The following CASZ1 variants were observed in gnomAD, a reference collection of about 807,000 sequenced individuals.
CASZ1 encodes castor zinc finger 1.
Under a neutral mutation model 135.2 loss-of-function variants are expected in CASZ1, and 28 were observed. The ratio of observed to expected loss-of-function variants is 0.21; its 90% confidence interval spans 0.15 to 0.28. The LOEUF (loss-of-function observed/expected upper bound fraction) is 0.28, where lower values mean the gene tolerates loss of function less well. CASZ1 is among the 10% of genes least tolerant of loss of function. The probability of loss-of-function intolerance (pLI) is 1.00; values close to 1 mark genes in which losing one functional copy is unlikely to be tolerated. For missense variants in CASZ1, 2,161 were observed against 2,453.3 expected, an observed-to-expected ratio of 0.88 and a Z score of 2.52; for synonymous variants, 1,068 against 1,073.4, an observed-to-expected ratio of 0.99 and a Z score of 0.10.
intron 5 of CASZ1, chr1:10,660,984 G>C (rs1470872521): frequency 2.0e-5 from 4 of 204,532 alleles, no homozygotes; most frequent in African/African-American, 9.5e-5. Context: ...TGGGAGCCCA[G>C]GGGTGGGGAA....
intron 1 of CASZ1, among the ~76,000 whole-genome samples, chr1:10,790,676 A>T (rs1640940643): frequency 1.3e-5 from 2 of 152,214 alleles, no homozygotes; most frequent in African/African-American, 4.8e-5. Flanking sequence ...CTTCGTTCAG[A>T]TGGTGGGGAG....
intron 11 of CASZ1, chr1:10,653,167 G>GC: frequency 1.6e-6 from 1 of 637,424 alleles, no homozygotes; most frequent in Non-Finnish European, 2.8e-6. Context: ...CAGAAGCATG[G>GC]CCCCCCTACT....
rs1639578608 is a variant in CASZ1 at position 10,725,370 on chromosome 1, C to A, written c.-76-19826G>T. On this transcript the variant is annotated intron_variant, in intron 2 of 20. Transcript: ENST00000377022. The surrounding 1 kb of genome is among the most constrained non-coding windows in gnomAD (Gnocchi z 4.4). ...TCCCGCCCTCCCTCTCCGGCAGGCT[C>A]CTCTCAAGTACTGAGCCATATGGTT... Among the ~76,000 whole-genome samples the A allele has an allele frequency of 6.6e-6, 1 of 151,274 alleles. No individual in the cohort carries two copies. Among genetic ancestry groups the A allele is most frequent in the Non-Finnish European group, 1.5e-5 (1 of 67,738 alleles).
intron 17 of CASZ1, among the ~76,000 whole-genome samples, chr1:10,645,753 G>A (rs1482962726): frequency 6.6e-6 from 1 of 152,212 alleles, no homozygotes; most frequent in African/African-American, 2.4e-5. Flanking sequence ...AGGCCTTTAA[G>A]GTGAATCTGA....
rs1639575168 is a variant in CASZ1, at chr1:10,725,195, C to T, written c.-76-19651G>A. ...GAACGTGTTAAGACCAAGGAGTGAC[C>T]ATGTCACTGCCCAGGGCAGCCCGGT... On this transcript the variant is annotated intron_variant, in intron 2 of 20. Coordinates refer to ENST00000377022, the MANE Select transcript of CASZ1 (RefSeq NM_001079843.3). This position sits in a 1 kb window ranked among gnomAD's most constrained non-coding sequence, Gnocchi z 4.4. Among the ~76,000 whole-genome samples, 1 of 152,160 alleles carries T rather than the reference C, an allele frequency of 6.6e-6. No homozygotes were observed. Among genetic ancestry groups the T allele is most frequent in the Non-Finnish European group, 1.5e-5 (1 of 68,012 alleles).
chr1:10,690,570 G>A (rs1638731952), intron 4 of CASZ1, among the ~76,000 whole-genome samples: 1 of 152,200 alleles, frequency 6.6e-6, no homozygotes, highest in South Asian at 2.1e-4. Context: ...GTCCTGGCCT[G>A]GAGCCCCAGA....
chr1:10,734,047 G>A (rs1639749547), intron 2 of CASZ1, among the ~76,000 whole-genome samples: 1 of 152,218 alleles, frequency 6.6e-6, no homozygotes, highest in Admixed American at 6.5e-5. Flanking sequence ...ACCAGGCAGA[G>A]CCACCAGCCC....
At chr1:10,662,382 C>T (rs1268044358) in intron 5 of CASZ1, among the ~76,000 whole-genome samples, 2 of 151,996 alleles carry the variant, frequency 1.3e-5, no homozygotes, top group Non-Finnish European at 1.5e-5. Flanking sequence ...CATACTTTCA[C>T]ACCCACACAC....
Position 10,647,999 on chromosome 1 carries a change from A to T in CASZ1, c.3299T>A (p.Leu1100Gln). Residue 1100 changes from leucine to glutamine, a missense_variant, in exon 16 of 21, where the codon CTG becomes CAG. Leu to Gln is a moderately radical substitution (Grantham distance 113). This residue lies in a region of CASZ1 where 349 missense variants were observed against 460.8 expected (regional missense o/e 0.76). Transcript: ENST00000377022. The surrounding 1 kb of genome is among the most constrained non-coding windows in gnomAD (Gnocchi z 4.9). The part of the protein sequence containing the change: ...PPVTTATVSS[L>Q]EGPAPSPASV... Reference sequence around the variant, plus strand: ...GGCCGGGCTGGGAGCGGGCCCCTCCAGAGAGGACACCGTGGCCGTGGTGAC... The same window carrying T: ...GGCCGGGCTGGGAGCGGGCCCCTCCTGAGAGGACACCGTGGCCGTGGTGAC... 1 of 1,603,254 alleles carries T rather than the reference A, an allele frequency of 6.2e-7. No individual in the cohort carries two copies. The highest frequency in any genetic ancestry group is 8.5e-7 in the Non-Finnish European group (1 of 1,174,314).
rs1639176473 is a variant in CASZ1 at position 10,706,523 on chromosome 1, A to G, written c.-76-979T>C. Among the ~76,000 whole-genome samples, 2 of 152,224 alleles carry G rather than the reference A, an allele frequency of 1.3e-5. No individual in the cohort carries two copies. On this transcript the variant is annotated intron_variant, in intron 2 of 20. Coordinates refer to ENST00000377022, the MANE Select transcript of CASZ1 (RefSeq NM_001079843.3). The surrounding 1 kb of genome is among the most constrained non-coding windows in gnomAD (Gnocchi z 4.3). ...TTTCCTTAGGCTATGTAATCCCCAA[A>G]TCAGATTGGGGGGATTGTGGGAGAT...
At chr1:10,659,556 T>C (rs771997228) in intron 6 of CASZ1, 146 bp downstream of exon 6, 17 of 652,014 alleles carry the variant, frequency 2.6e-5, no homozygotes, top group Admixed American at 8.1e-5. Context: ...GGAGCCTGAG[T>C]GTGCACGCGC....
At chr1:10,780,050 C>T (rs954364732) in intron 1 of CASZ1, among the ~76,000 whole-genome samples, 2 of 152,170 alleles carry the variant, frequency 1.3e-5, no homozygotes, top group Non-Finnish European at 2.9e-5. Context: ...CAGAGAGACA[C>T]GGGTTCCAGC....
At chr1:10,705,122 C>T (rs536487346) in intron 3 of CASZ1, among the ~76,000 whole-genome samples, 20 of 152,328 alleles carry the variant, frequency 1.3e-4, no homozygotes, top group African/African-American at 4.3e-4. Context: ...CAGGCACAGC[C>T]GGCCACCGCC....
intron 2 of CASZ1, among the ~76,000 whole-genome samples, chr1:10,750,697 A>C (rs1479113412): frequency 6.6e-6 from 1 of 151,990 alleles, no homozygotes. Flanking sequence ...GTCAGGAGTT[A>C]GAGACCAGCC....
rs1640267718 is a variant in CASZ1, at chr1:10,756,786, A to G, written c.-77+3915T>C. Among the ~76,000 whole-genome samples, 2 of 152,208 alleles carry G rather than the reference A, an allele frequency of 1.3e-5. No individual in the cohort carries two copies. The highest frequency in any genetic ancestry group is 2.1e-4 in the South Asian group (1 of 4,820). On this transcript the variant is annotated intron_variant, in intron 2 of 20. Transcript: ENST00000377022. This position sits in a 1 kb window ranked among gnomAD's most constrained non-coding sequence, Gnocchi z 5.9. ...AGCGGCTGGAGGCTGAGCTGACCCC[A>G]TGGAAATATGGGGGCTTCAGACAAA... is the stretch of plus-strand genomic sequence containing the variant.
intron 4 of CASZ1, among the ~76,000 whole-genome samples, chr1:10,687,502 G>C (rs1008898530): frequency 6.6e-6 from 1 of 152,288 alleles, no homozygotes; most frequent in Non-Finnish European, 1.5e-5. Context: ...GCCCGGGGCA[G>C]AGGCCTGAAG....
At position 10,794,017 on chromosome 1, in the gene CASZ1, C is replaced by G. The variant is rs953934961; in HGVS notation, c.-234+2547G>C. On this transcript the variant is annotated intron_variant, in intron 1 of 20. Transcript: ENST00000377022. The surrounding 1 kb of genome is among the most constrained non-coding windows in gnomAD (Gnocchi z 5.6). ...GCTCGGGCGCCGAACGGCCCAGCGC[C>G]CCCTCCGGGCACGTGGAGCGCAGCC... is the stretch of plus-strand genomic sequence containing the variant. 6.6e-6 allele frequency among the ~76,000 whole-genome samples: 1 copy of G among 152,180 alleles called. No individual in the cohort carries two copies. The highest frequency in any genetic ancestry group is 2.4e-5 in the African/African-American group (1 of 41,452).
chr1:10,695,463 C>G (rs182089908), intron 3 of CASZ1, among the ~76,000 whole-genome samples: 7 of 151,764 alleles, frequency 4.6e-5, no homozygotes, highest in Non-Finnish European at 8.8e-5. Context: ...CCATCACTTG[C>G]GCTTCCTCCC....
At chr1:10,689,509 T>G (rs977686785) in intron 4 of CASZ1, among the ~76,000 whole-genome samples, 10 of 152,152 alleles carry the variant, frequency 6.6e-5, no homozygotes, top group Middle Eastern at 3.2e-3. Context: ...GAATGGGTTC[T>G]CCTCGCTGGT....
Sources: allele counts gnomAD v4.1 joint callset (sites outside exome capture counted in the v4.1 genomes callset), GRCh38; gene constraint gnomAD v4.1.1; regional missense constraint gnomAD v4.1.1; non-coding constraint Gnocchi (gnomAD v3.1); transcripts MANE v1.5; gene names NCBI Gene and HGNC (gene_info 2026-07-23, HGNC 2026-07-21).